P3H2: variants seen among roughly 807,000 people sequenced by gnomAD.
The protein encoded by P3H2 is leprecan-like 1.
A neutral mutation model predicts 87.0 loss-of-function variants in P3H2; 80 were observed. The ratio of observed to expected loss-of-function variants is 0.92; its 90% CI spans 0.77 to 1.11. The LOEUF (loss-of-function observed/expected upper bound fraction) is 1.11. Ranked by LOEUF, P3H2 falls within the 50% of genes least tolerant of loss-of-function variation. P3H2 has a pLI of 0.00. For synonymous variants in P3H2, 367 were observed against 359.3 expected (o/e 1.02, Z -0.24); for missense variants, 1,001 against 923.9 (o/e 1.08, Z -1.08).
chr3:190,046,209 C>T (rs1725799083), intron 1 of P3H2, among the ~76,000 whole-genome samples: 1 of 152,008 alleles, frequency 6.6e-6, no homozygotes, highest in Non-Finnish European at 1.5e-5. Flanking sequence ...CCTCCACAAT[C>T]GTGTATGCCG....
chr3:190,095,652 G>C (rs571038963), intron 1 of P3H2, among the ~76,000 whole-genome samples: 2 of 149,146 alleles, frequency 1.3e-5, no homozygotes, highest in Admixed American at 6.7e-5. Context: ...CCAGGCTGGA[G>C]TGCAGTGGCG....
intron 10 of P3H2, among the ~76,000 whole-genome samples, 163 bp downstream of exon 10, chr3:189,973,746 G>A (rs376912337): frequency 1.3e-5 from 2 of 151,628 alleles, no homozygotes; most frequent in South Asian, 2.1e-4. Flanking sequence ...GGGTGGTCTC[G>A]ATCTCCTGAC....
chr3:189,963,880 A>G, intron 14 of P3H2, 78 bp downstream of exon 14: 1 of 1,465,428 alleles, frequency 6.8e-7, no homozygotes, highest in South Asian at 1.1e-5. Context: ...CCTCAGACGA[A>G]GCAATTTAAA....
intron 13 of P3H2, among the ~76,000 whole-genome samples, chr3:189,966,131 G>GAAAGAA (rs1560339061): frequency 2.5e-3 from 130 of 51,268 alleles, no homozygotes; most frequent in Non-Finnish European, 4.9e-3. Context: ...GAAAAAGAAA[G>GAAAGAA]AAAGAAAGAA....
chr3:190,112,855 G>A (rs995349876), intron 1 of P3H2, among the ~76,000 whole-genome samples: 2 of 151,442 alleles, frequency 1.3e-5, no homozygotes, highest in Non-Finnish European at 2.9e-5. Context: ...GAAAATACTC[G>A]GCTAGAAAAT....
At position 190,073,232 on chromosome 3, in the gene P3H2, A is replaced by G. The variant is rs1046210283; in HGVS notation, c.480+47020T>C. On this transcript the variant is annotated intron_variant, in intron 1 of 14. Transcript: ENST00000319332. ...TTTTCTGTGTGTCTGTTATACTTCAATTAAAAAGATTACAAGTAACTCCAG... is the reference window on the plus strand; with the variant it reads ...TTTTCTGTGTGTCTGTTATACTTCAGTTAAAAAGATTACAAGTAACTCCAG... 2.6e-5 allele frequency among the ~76,000 whole-genome samples: 4 copies of G among 152,230 alleles called. No homozygotes were observed. In the South Asian group the frequency reaches 6.2e-4, roughly 24 times the overall value.
chr3:190,063,147 G>C (rs2108967863), intron 1 of P3H2, among the ~76,000 whole-genome samples: 1 of 152,044 alleles, frequency 6.6e-6, no homozygotes, highest in East Asian at 1.9e-4. Flanking sequence ...TTTACAAATG[G>C]CTTCATAATC....
intron 1 of P3H2, among the ~76,000 whole-genome samples, chr3:190,042,992 CCTAAA>C (rs1259906928): frequency 1.3e-5 from 2 of 152,080 alleles, no homozygotes; most frequent in African/African-American, 2.4e-5. Flanking sequence ...AATTTTTCTT[CCTAAA>C]CTAATTTCCA....
At chr3:190,074,810 T>C (rs532052125) in intron 1 of P3H2, among the ~76,000 whole-genome samples, 4 of 152,368 alleles carry the variant, frequency 2.6e-5, no homozygotes, top group Middle Eastern at 3.4e-3. Context: ...TTCTCTTTAA[T>C]AGATTATAAA....
At chr3:190,062,272 T>C (rs1292499851) in intron 1 of P3H2, among the ~76,000 whole-genome samples, 1 of 152,148 alleles carries the variant, frequency 6.6e-6, no homozygotes, top group Non-Finnish European at 1.5e-5. Flanking sequence ...CCATGGATCC[T>C]TATAATTACC....
At chr3:190,091,139 CA>C (rs1260825643) in intron 1 of P3H2, among the ~76,000 whole-genome samples, 8 of 152,152 alleles carry the variant, frequency 5.3e-5, no homozygotes, top group African/African-American at 1.9e-4. Context: ...ATTTCAGCCA[CA>C]AAAAATCAAA....
At chr3:190,040,639 A>AT (rs1210215043) in intron 1 of P3H2, among the ~76,000 whole-genome samples, 1 of 152,140 alleles carries the variant, frequency 6.6e-6, no homozygotes, top group Non-Finnish European at 1.5e-5. Flanking sequence ...AGTCATTTAC[A>AT]TCTTCTGATT....
At chr3:190,035,380 T>C (rs546652770) in intron 1 of P3H2, among the ~76,000 whole-genome samples, 2 of 152,188 alleles carry the variant, frequency 1.3e-5, no homozygotes, top group Non-Finnish European at 2.9e-5. Flanking sequence ...CTCAGTATAT[T>C]TGACAATTGA....
intron 4 of P3H2, 37 bp downstream of exon 4, chr3:189,988,870 C>G: frequency 6.2e-7 from 1 of 1,612,556 alleles, no homozygotes; most frequent in South Asian, 1.1e-5. Context: ...TGAACCACAA[C>G]CCCCCAAGAA....
intron 8 of P3H2, among the ~76,000 whole-genome samples, chr3:189,975,654 A>G (rs368503138): frequency 6.6e-6 from 1 of 152,238 alleles, no homozygotes; most frequent in Admixed American, 6.5e-5. Context: ...AGCAAAGGTC[A>G]CCAACACGTT....
At chr3:190,004,671 C>T (rs559160891) in intron 1 of P3H2, among the ~76,000 whole-genome samples, 4 of 152,258 alleles carry the variant, frequency 2.6e-5, no homozygotes, top group East Asian at 1.9e-4. Flanking sequence ...TGTGAGCCAC[C>T]GCGCCTGGCC....
chr3:190,077,526 G>T (rs1325378116), intron 1 of P3H2, among the ~76,000 whole-genome samples: 1 of 152,114 alleles, frequency 6.6e-6, no homozygotes, highest in African/African-American at 2.4e-5. Flanking sequence ...CCTGGAGATG[G>T]GAATACTATC....
At chr3:189,989,084 G>A in intron 3 of P3H2, 46 bp from the exon 4 acceptor site, 2 of 1,612,276 alleles carry the variant, frequency 1.2e-6, no homozygotes, top group Non-Finnish European at 1.7e-6. Flanking sequence ...GTTGCTGAGT[G>A]CCCAAACGTC....
At chr3:190,110,369 C>T (rs549301554) in intron 1 of P3H2, among the ~76,000 whole-genome samples, 2 of 152,242 alleles carry the variant, frequency 1.3e-5, no homozygotes, top group Admixed American at 6.5e-5. Flanking sequence ...AATTATTCAT[C>T]CCAGAATATC....
Sources: gnomAD v4.1 joint callset for allele counts (sites outside exome capture counted in the v4.1 genomes callset) on GRCh38, gnomAD v4.1.1 for gene constraint, MANE v1.5 for transcripts, NCBI Gene and HGNC (gene_info 2026-07-23, HGNC 2026-07-21) for gene names.